RPS4Y1: variants seen among roughly 807,000 people sequenced by gnomAD.
RPS4Y1 encodes ribosomal protein S4 Y-linked 1, also known as small ribosomal subunit protein eS4, Y isoform 1.
For missense variants in RPS4Y1, 30 were observed against 60.9 expected, an observed-to-expected ratio of 0.49 and a Z score of 1.69; for synonymous variants, 23 against 20.8, an observed-to-expected ratio of 1.10 and a Z score of -0.28.
At chrY:2,854,567 A>G in intron 4 of RPS4Y1, 33 bp from the exon 5 acceptor site, 2 of 365,176 alleles carry the variant, frequency 5.5e-6, no homozygotes, top group Non-Finnish European at 7.9e-6. Flanking sequence ...TTGTGTTTAC[A>G]TATTGAATTG....
chrY:2,852,657 G>C, intron 4 of RPS4Y1, among the ~76,000 whole-genome samples: 1 of 33,819 alleles, frequency 3.0e-5, no homozygotes, highest in Non-Finnish European at 7.3e-5. Flanking sequence ...ATGCCTGGAG[G>C]GGTGTGTCAA....
At chrY:2,860,227 T>C in intron 5 of RPS4Y1, among the ~76,000 whole-genome samples, 5 of 33,629 alleles carry the variant, frequency 1.5e-4, no homozygotes, top group Non-Finnish European at 3.7e-4. Flanking sequence ...TAAATCTTTT[T>C]CTTCCAGACC....
chrY:2,857,087 CA>C (rs1556371654), intron 5 of RPS4Y1, among the ~76,000 whole-genome samples: 2 of 27,541 alleles, frequency 7.3e-5, no homozygotes, highest in African/African-American at 2.8e-4. Flanking sequence ...ATTGTGGTTT[CA>C]AAAAAAAAAA....
intron 4 of RPS4Y1, among the ~76,000 whole-genome samples, chrY:2,849,043 T>A (rs955602297): frequency 3.7e-4 from 12 of 32,783 alleles, no homozygotes; most frequent in African/African-American, 1.4e-3. Context: ...GGTTTTCCAC[T>A]CCTGTGTTAT....
chrY:2,858,360 G>A, intron 5 of RPS4Y1, among the ~76,000 whole-genome samples: 1 of 32,726 alleles, frequency 3.1e-5, no homozygotes, highest in African/African-American at 1.2e-4. Context: ...GTTTCTTTTG[G>A]TTGGCAGGCA....
intron 4 of RPS4Y1, 104 bp downstream of exon 4, chrY:2,845,847 C>T (rs2051152603): frequency 1.2e-5 from 2 of 163,874 alleles, no homozygotes; most frequent in Non-Finnish European, 2.4e-5. Context: ...TATTTCCTAT[C>T]TCTACTTGTT....
intron 4 of RPS4Y1, among the ~76,000 whole-genome samples, chrY:2,852,930 A>C (rs2051157050): frequency 5.9e-5 from 2 of 34,039 alleles, no homozygotes; most frequent in African/African-American, 2.3e-4. Flanking sequence ...AAATAATATT[A>C]GCTGACATTT....
chrY:2,865,813 A>G (rs769734597), intron 6 of RPS4Y1, among the ~76,000 whole-genome samples: 1 of 33,810 alleles, frequency 3.0e-5, no homozygotes, highest in Admixed American at 2.7e-4. Context: ...GTATCCTTAC[A>G]TGGGAGTCAC....
intron 5 of RPS4Y1, among the ~76,000 whole-genome samples, chrY:2,856,657 T>C (rs2124490522): frequency 3.2e-5 from 1 of 31,445 alleles, no homozygotes; most frequent in East Asian, 8.5e-4. Context: ...TGTGCAGTGG[T>C]ACAGTCTCGG....
chrY:2,851,990 A>G (rs1056722114), intron 4 of RPS4Y1, among the ~76,000 whole-genome samples: 1 of 33,418 alleles, frequency 3.0e-5, no homozygotes, highest in Non-Finnish European at 7.4e-5. Context: ...ACACTTGTTT[A>G]TGGATGGCCA....
At chrY:2,864,494 ATAGG>A (rs2051165737) in intron 5 of RPS4Y1, among the ~76,000 whole-genome samples, 1 of 32,863 alleles carries the variant, frequency 3.0e-5, no homozygotes, top group East Asian at 7.9e-4. Context: ...TTATTCTGTG[ATAGG>A]TAGAACTTCC....
At chrY:2,864,312 G>GTTAGTATTAAGACAGGGCTTTATTCTC (rs2051165509) in intron 5 of RPS4Y1, among the ~76,000 whole-genome samples, 1 of 32,595 alleles carries the variant, frequency 3.1e-5, no homozygotes, top group Non-Finnish European at 7.5e-5. Flanking sequence ...GTTTTGTTTT[G>GTTAGTATTAAGACAGGGCTTTATTCTC]TTAGTATTAA....
At chrY:2,850,637 AT>A (rs2051155501) in intron 4 of RPS4Y1, among the ~76,000 whole-genome samples, 1 of 32,857 alleles carries the variant, frequency 3.0e-5, no homozygotes, top group Non-Finnish European at 7.5e-5. Context: ...AAGGGACAAG[AT>A]TAACTTTCAC....
chrY:2,842,057 CT>C, intron 1 of RPS4Y1, 107 bp from the exon 2 acceptor site: 1 of 321,082 alleles, frequency 3.1e-6, no homozygotes, highest in East Asian at 9.6e-5. Context: ...GCTGGGCGAT[CT>C]TTTCTCCTTG....
intron 4 of RPS4Y1, among the ~76,000 whole-genome samples, chrY:2,847,013 G>A: frequency 3.0e-5 from 1 of 33,863 alleles, no homozygotes; most frequent in Admixed American, 2.6e-4. Flanking sequence ...CCTGGGTTAC[G>A]GTATTGGCCT....
chrY:2,842,069 A>G, intron 1 of RPS4Y1, 96 bp from the exon 2 acceptor site: 1 of 318,189 alleles, frequency 3.1e-6, no homozygotes, highest in Admixed American at 7.6e-5. Context: ...TTTCTCCTTG[A>G]GTCAGGTATT....
intron 5 of RPS4Y1, among the ~76,000 whole-genome samples, chrY:2,856,313 A>G (rs2124490473): frequency 9.3e-5 from 3 of 32,086 alleles, no homozygotes; most frequent in Non-Finnish European, 2.3e-4. Flanking sequence ...TAATTTTTGT[A>G]TTTTTAGTAA....
intron 5 of RPS4Y1, among the ~76,000 whole-genome samples, chrY:2,862,757 CTTCT>C: frequency 3.0e-5 from 1 of 33,806 alleles, no homozygotes; most frequent in South Asian, 6.6e-4. Context: ...TTCTGCCTTC[CTTCT>C]GTCTGGCATC....
At position 2,844,269 on chromosome Y, in the gene RPS4Y1, G is replaced by A. The variant is rs1429803331; in HGVS notation, c.262+12G>A. On this transcript the variant is annotated intron_variant, in intron 3 of 6. Coordinates refer to ENST00000250784, the MANE Select transcript of RPS4Y1 (RefSeq NM_001008.4). ...TGCTGGATTCATGGGTAAGGAAAGA[G>A]TTCTTTGTTTTGTTTTGAAGAAGGA... is the stretch of plus-strand genomic sequence containing the variant. 2.6e-6 allele frequency: 1 copy of A among 386,397 alleles called. No homozygotes were observed. The highest frequency in any genetic ancestry group is 3.7e-6 in the Non-Finnish European group (1 of 272,039).
Sources: gnomAD v4.1 joint callset for allele counts (sites outside exome capture counted in the v4.1 genomes callset) on GRCh38, gnomAD v4.1.1 for gene constraint, MANE v1.5 for transcripts, NCBI Gene and HGNC (gene_info 2026-07-23, HGNC 2026-07-21) for gene names.